Variants in TENM4 observed in about 807,000 individuals in gnomAD.
The protein encoded by TENM4 is teneurin transmembrane protein 4.
A neutral mutation model predicts 243.3 loss-of-function variants in TENM4; 82 were observed. The observed-to-expected ratio is 0.34, with a 90% CI of 0.28 to 0.40. The LOEUF (loss-of-function observed/expected upper bound fraction) is 0.40. Among genes scored for constraint, TENM4 ranks in the 10% least tolerant of loss-of-function variants. The pLI, the probability that TENM4 is intolerant of heterozygous loss-of-function variation, is 1.00. For synonymous variants in TENM4, 1,412 were observed against 1,456.3 expected (o/e 0.97, Z 0.69); for missense variants, 3,138 against 3,673.3 (o/e 0.85, Z 3.77).
At position 79,138,744 on chromosome 11, in the gene TENM4, CA is replaced by C. The variant is rs1862177395; in HGVS notation, c.-66+9965del. 2.8e-5 allele frequency among the ~76,000 whole-genome samples: 3 copies of C among 105,652 alleles called. No homozygotes were observed. The Admixed American group carries it at 3.8e-4, about 13-fold the overall frequency. 69.3% of individuals were successfully genotyped at this position (105,652 alleles called of 152,430 possible). ...ATTATATTTATATAAATACATAAAA[CA>C]TACATTATATTTATATAAATACATA... On this transcript the variant is annotated intron_variant, in intron 4 of 33. Coordinates refer to ENST00000278550, the MANE Select transcript of TENM4 (RefSeq NM_001098816.3).
intron 1 of TENM4, among the ~76,000 whole-genome samples, chr11:79,311,851 A>T (rs1429343369): frequency 6.6e-6 from 1 of 152,194 alleles, no homozygotes; most frequent in Non-Finnish European, 1.5e-5. Flanking sequence ...TTGCCCTGCA[A>T]CTTAAGCCCT....
intron 1 of TENM4, among the ~76,000 whole-genome samples, chr11:79,426,334 C>G (rs10501444): frequency 0.17 from 26,078 of 152,084 alleles, 2,393 homozygotes; most frequent in African/African-American, 0.2. Flanking sequence ...GCTTTACGGA[C>G]AGGTGGATGT....
intron 6 of TENM4, among the ~76,000 whole-genome samples, chr11:79,038,214 G>A (rs1191952072): frequency 2.6e-5 from 4 of 152,206 alleles, no homozygotes; most frequent in Non-Finnish European, 4.4e-5. Flanking sequence ...ATACATGGAT[G>A]AGAGAACAAT....
intron 1 of TENM4, among the ~76,000 whole-genome samples, chr11:79,439,907 C>A (rs1859362598): frequency 1.3e-5 from 2 of 152,248 alleles, no homozygotes; most frequent in Admixed American, 1.3e-4. Flanking sequence ...AGACGAACAT[C>A]AATACCGCGG....
chr11:78,948,271 G>A (rs75780130), intron 6 of TENM4, among the ~76,000 whole-genome samples: 1,637 of 152,032 alleles, frequency 0.011, 16 homozygotes, highest in Non-Finnish European at 0.018. Context: ...AAGAATAAGA[G>A]CATTCTATCA....
chr11:79,194,075 G>A (rs1385011211), intron 3 of TENM4, among the ~76,000 whole-genome samples: 2 of 152,052 alleles, frequency 1.3e-5, no homozygotes, highest in Admixed American at 1.3e-4. Flanking sequence ...TCATGACAGT[G>A]AATAAGCCTC....
In TENM4 at chr11:78,973,503, TG is replaced by T. The variant is rs572016202; in HGVS notation, c.494-69981del. ...TGGAGAAATGTCTATTCAGATCCAT[TG>T]CCCAATTTTTAACTTGATTTATCTT... On this transcript the variant is annotated intron_variant, in intron 6 of 33. Transcript: ENST00000278550. Among the ~76,000 whole-genome samples the T allele has an allele frequency of 4.5e-3, 688 of 152,320 alleles. 5 individuals are homozygous for T. Among genetic ancestry groups the T allele is most frequent in the African/African-American group, 0.016 (657 of 41,568 alleles).
At chr11:78,927,000 T>C (rs1475550089) in intron 6 of TENM4, among the ~76,000 whole-genome samples, 5 of 152,248 alleles carry the variant, frequency 3.3e-5, no homozygotes, top group South Asian at 4.1e-4. Flanking sequence ...GACCAAAATA[T>C]GTTTTTTGTA....
Position 78,655,301 on chromosome 11 carries a change from T to A in TENM4, c.*2757A>T, listed in dbSNP as rs1277807671. On this transcript the variant is annotated 3_prime_UTR_variant, in exon 34 of 34. Transcript: ENST00000278550. ...ACAGCTGAGATCCTTTTTCTAAAGC[T>A]TCGGGATCCTTCAACTTCTCTCCCC... The A allele has an allele frequency of 6.6e-6, 1 of 152,156 alleles. No individual in the cohort carries two copies. Among genetic ancestry groups the A allele is most frequent in the Non-Finnish European group, 1.5e-5 (1 of 68,044 alleles). The allele number at this position is 152,156 out of a possible 1,614,324, so 9.4% of individuals were successfully genotyped here. A position where few individuals can be genotyped will look rare whatever the true frequency, so the allele number is the denominator to read the frequency against.
intron 6 of TENM4, among the ~76,000 whole-genome samples, chr11:79,015,254 G>A (rs1371547261): frequency 6.6e-6 from 1 of 152,112 alleles, no homozygotes; most frequent in African/African-American, 2.4e-5. Context: ...ATCAGAGCTG[G>A]GATTGGAACC....
At chr11:78,675,053 G>C (rs1858431332) in intron 30 of TENM4, among the ~76,000 whole-genome samples, 1 of 152,048 alleles carries the variant, frequency 6.6e-6, no homozygotes, top group Non-Finnish European at 1.5e-5. Flanking sequence ...TTTTAGTAGA[G>C]ATGAAGTTTC....
In TENM4 at chr11:79,234,953, T is replaced by C. The variant is rs146727702; in HGVS notation, c.-264-19044A>G. Among the ~76,000 whole-genome samples the C allele has an allele frequency of 1.8e-3, 276 of 152,246 alleles. 1 individual carries two copies. The highest frequency in any genetic ancestry group is 6.3e-3 in the African/African-American group (262 of 41,554). ...CTTTCCAGAAACCAAATATCTGGCATTGGGCTCAGTGAAGCCACAGGGCCT... is the reference window on the plus strand; with the variant it reads ...CTTTCCAGAAACCAAATATCTGGCACTGGGCTCAGTGAAGCCACAGGGCCT... On this transcript the variant is annotated intron_variant, in intron 2 of 33. Coordinates refer to ENST00000278550, the MANE Select transcript of TENM4 (RefSeq NM_001098816.3).
intron 6 of TENM4, among the ~76,000 whole-genome samples, chr11:78,976,799 CT>C (rs962772145): frequency 6.6e-5 from 10 of 151,676 alleles, no homozygotes; most frequent in Admixed American, 5.3e-4. Context: ...GAAAAACAAA[CT>C]TTTTTTTTGA....
intron 17 of TENM4, 127 bp downstream of exon 17, chr11:78,778,475 T>C: frequency 9.8e-7 from 1 of 1,015,824 alleles, no homozygotes; most frequent in South Asian, 1.6e-5. Context: ...AAACTGGGGA[T>C]GCATTAGCTT....
intron 1 of TENM4, among the ~76,000 whole-genome samples, chr11:79,403,390 A>C (rs901828554): frequency 1.4e-4 from 21 of 152,282 alleles, no homozygotes; most frequent in Middle Eastern, 3.4e-3. Context: ...TTTTTATCTC[A>C]CTTTTTCTTC....
chr11:78,781,786 T>G (rs1462406794), intron 16 of TENM4, among the ~76,000 whole-genome samples: 1 of 152,144 alleles, frequency 6.6e-6, no homozygotes, highest in Admixed American at 6.5e-5. Context: ...TTCGGATGGG[T>G]GACAAACCAC....
intron 6 of TENM4, among the ~76,000 whole-genome samples, chr11:78,994,850 T>C (rs1032582664): frequency 1.3e-5 from 2 of 152,208 alleles, no homozygotes; most frequent in Non-Finnish European, 2.9e-5. Flanking sequence ...TTATAGCTTG[T>C]TCTGATCTGT....
At chr11:78,689,550 T>A (rs989258297) in intron 28 of TENM4, among the ~76,000 whole-genome samples, 1 of 151,970 alleles carries the variant, frequency 6.6e-6, no homozygotes, top group African/African-American at 2.4e-5. Flanking sequence ...GTTTTCACAA[T>A]GGGGCAATGA....
At chr11:78,662,450 A>T (rs990450695) in intron 32 of TENM4, among the ~76,000 whole-genome samples, 1 of 152,046 alleles carries the variant, frequency 6.6e-6, no homozygotes, top group Non-Finnish European at 1.5e-5. Flanking sequence ...CAGCCCCCAG[A>T]GTGCTGGGAT....
Sources: gnomAD v4.1 joint callset for allele counts (sites outside exome capture counted in the v4.1 genomes callset) on GRCh38, gnomAD v4.1.1 for gene constraint, MANE v1.5 for transcripts, NCBI Gene and HGNC (gene_info 2026-07-23, HGNC 2026-07-21) for gene names.